C11orf58: variants seen among roughly 807,000 people sequenced by gnomAD.
C11orf58 encodes the protein small acidic protein.
In C11orf58, 5 loss-of-function variants were observed where a neutral mutation model predicts 22.7. The observed-to-expected ratio is 0.22, with a 90% CI of 0.12 to 0.46. The LOEUF is 0.46. Among genes scored for constraint, C11orf58 ranks in the 20% least tolerant of loss-of-function variants. The pLI is 0.99. For synonymous variants in C11orf58, 71 were observed against 70.7 expected, an observed-to-expected ratio of 1.00 and a Z score of -0.02; for missense variants, 151 against 223.3, an observed-to-expected ratio of 0.68 and a Z score of 2.06.
At position 16,748,134 on chromosome 11, in the gene C11orf58, A is replaced by G. The variant is rs1314039929; in HGVS notation, c.185A>G (p.Lys62Arg). The G allele has an allele frequency of 1.9e-6, 3 of 1,613,234 alleles. No homozygotes were observed. Among genetic ancestry groups the G allele is most frequent in the Non-Finnish European group, 2.5e-6 (3 of 1,179,276 alleles). Reference sequence around the variant, plus strand: ...GGTCGTCTTGTTATAGGAGATCACAAATCAACATCTCACTTCCGAACCGGT... The same window carrying G: ...GGTCGTCTTGTTATAGGAGATCACAGATCAACATCTCACTTCCGAACCGGT... ...HTGRLVIGDHKSTSHFRTGEE... is the reference protein window; with the variant it reads ...HTGRLVIGDHRSTSHFRTGEE... The change falls in exon 3 of 5, where the codon AAA becomes AGA. Residue 62 changes from lysine (K) to arginine (R), a missense_variant. Coordinates refer to ENST00000228136, the MANE Select transcript of C11orf58 (RefSeq NM_014267.6).
chr11:16,749,464 A>G (rs753142828), intron 3 of C11orf58: 8 of 152,212 alleles, frequency 5.3e-5, no homozygotes, highest in Non-Finnish European at 1.0e-4. Context: ...GAGAGCTTTA[A>G]AGCAGGAGCT....
Position 16,744,674 on chromosome 11 carries a change from G to T in C11orf58, c.137G>T (p.Gly46Val). ...ERKQKFLRLM[G>V]AGKKEHTGRL... ...AAACAAAAGTTCTTGAGACTTATGG[G>T]TGCAGGAAAGGTAAGCATCAGATGG... The change falls in exon 2 of 5, where the codon GGT becomes GTT. Residue 46 changes from glycine to valine, a missense_variant. By Grantham distance (109) the Gly-to-Val change is moderately radical. Coordinates refer to ENST00000228136, the MANE Select transcript of C11orf58 (RefSeq NM_014267.6). 1 of 1,613,716 alleles carries T rather than the reference G, an allele frequency of 6.2e-7. No homozygotes were observed. Among genetic ancestry groups the T allele is most frequent in the Non-Finnish European group, 8.5e-7 (1 of 1,179,758 alleles).
chr11:16,757,552 T>G lies in C11orf58; in HGVS notation c.*2448T>G, dbSNP rs145789728. Among the ~76,000 whole-genome samples, 1 of 152,296 alleles carries G rather than the reference T, an allele frequency of 6.6e-6. No homozygotes were observed. The highest frequency in any genetic ancestry group is 1.9e-4 in the East Asian group (1 of 5,192). The stretch of plus-strand genomic sequence containing the variant: ...ATCTTTTAAGCCTGAACATGTGGGT[T>G]TTTTAAATCAAATTGGAAAAAAATT... On this transcript the variant is annotated 3_prime_UTR_variant, in exon 5 of 5. Coordinates refer to ENST00000228136, the MANE Select transcript of C11orf58 (RefSeq NM_014267.6).
chr11:16,744,464 T>C, intron 1 of C11orf58, 137 bp from the exon 2 acceptor site: 1 of 657,370 alleles, frequency 1.5e-6, no homozygotes, highest in Non-Finnish European at 2.6e-6. Context: ...ATGCTTAACT[T>C]CCTAAGCAAG....
intron 2 of C11orf58, among the ~76,000 whole-genome samples, chr11:16,745,994 T>C (rs1848484894): frequency 1.3e-5 from 2 of 152,244 alleles, no homozygotes; most frequent in South Asian, 4.1e-4. Context: ...GGTGGTCATA[T>C]AGATCAATAA....
chr11:16,738,964 C>T, intron 1 of C11orf58, 123 bp downstream of exon 1: 1 of 1,046,594 alleles, frequency 9.6e-7, no homozygotes, highest in Non-Finnish European at 1.4e-6. Context: ...AGGGAAGAAA[C>T]CAGAAGAATG....
At chr11:16,754,825 T>C (rs771291797) in intron 4 of C11orf58, 46 bp from the exon 5 acceptor site, 1 of 1,595,604 alleles carries the variant, frequency 6.3e-7, no homozygotes, top group Admixed American at 1.8e-5. Flanking sequence ...AGATTTTGTA[T>C]GGGCTAATGT....
At chr11:16,743,397 T>C (rs1848463080) in intron 1 of C11orf58, among the ~76,000 whole-genome samples, 1 of 152,244 alleles carries the variant, frequency 6.6e-6, no homozygotes, top group Non-Finnish European at 1.5e-5. Context: ...GTACATTTCT[T>C]GTTTGTCTTT....
At chr11:16,742,211 A>G (rs963749524) in intron 1 of C11orf58, among the ~76,000 whole-genome samples, 6 of 152,246 alleles carry the variant, frequency 3.9e-5, no homozygotes, top group Non-Finnish European at 7.3e-5. Flanking sequence ...TAACTTCTAT[A>G]CATTTTTATA....
At chr11:16,744,829 C>A in intron 2 of C11orf58, 145 bp downstream of exon 2, 1 of 679,428 alleles carries the variant, frequency 1.5e-6, no homozygotes, top group Non-Finnish European at 2.4e-6. Context: ...TACATGTGGC[C>A]TAACCAAGCA....
At chr11:16,753,861 G>GTTC (rs751339620) in intron 4 of C11orf58, 17 of 484,584 alleles carry the variant, frequency 3.5e-5, no homozygotes, top group Non-Finnish European at 5.9e-5. Flanking sequence ...ACCATGCCTA[G>GTTC]CTAATTTTTG....
At chr11:16,744,050 T>TA (rs554214406) in intron 1 of C11orf58, among the ~76,000 whole-genome samples, 1,560 of 108,094 alleles carry the variant, frequency 0.014, 15 homozygotes, top group African/African-American at 0.027. Context: ...CTAGAACTGC[T>TA]AAAAAAAAAA....
chr11:16,748,273 T>C (rs1422297688), intron 3 of C11orf58, 116 bp downstream of exon 3: 2 of 863,788 alleles, frequency 2.3e-6, no homozygotes, highest in East Asian at 5.8e-5. Context: ...TAAAATATTA[T>C]AATTAGAGCT....
intron 2 of C11orf58, among the ~76,000 whole-genome samples, chr11:16,745,380 A>G (rs978782547): frequency 3.3e-5 from 5 of 152,316 alleles, no homozygotes; most frequent in Middle Eastern, 6.8e-3. Context: ...TTAACTACTA[A>G]TAGCCTACTG....
At chr11:16,749,058 TA>T (rs1376778433) in intron 3 of C11orf58, 1 of 152,210 alleles carries the variant, frequency 6.6e-6, no homozygotes, top group East Asian at 1.9e-4. Context: ...TTGAAGAATA[TA>T]AACTAGTTGC....
intron 3 of C11orf58, chr11:16,749,652 T>G (rs1185266667): frequency 6.6e-6 from 1 of 152,250 alleles, no homozygotes; most frequent in Non-Finnish European, 1.5e-5. Flanking sequence ...CATAGGAGCA[T>G]GAACCCTATT....
rs1379846634 is a variant in C11orf58 at position 16,756,561 on chromosome 11, G to A, written c.*1457G>A. ...TGGGATTACAGGCGTGAGCCACCAC[G>A]CCCAGCCTTGGAGTGTTGGAATTTT... On this transcript the variant is annotated 3_prime_UTR_variant, in exon 5 of 5. Coordinates refer to ENST00000228136, the MANE Select transcript of C11orf58 (RefSeq NM_014267.6). Among the ~76,000 whole-genome samples, 16 of 150,414 alleles carry A rather than the reference G, an allele frequency of 1.1e-4. No homozygotes were observed. The highest frequency in any genetic ancestry group is 1.5e-4 in the African/African-American group (6 of 41,104).
At chr11:16,745,209 GA>G (rs1461263583) in intron 2 of C11orf58, among the ~76,000 whole-genome samples, 1 of 152,156 alleles carries the variant, frequency 6.6e-6, no homozygotes. Context: ...CAGGGGGAAA[GA>G]AAACCTTAAT....
chr11:16,742,909 G>T (rs1483598641), intron 1 of C11orf58, among the ~76,000 whole-genome samples: 1 of 151,994 alleles, frequency 6.6e-6, no homozygotes, highest in Admixed American at 6.6e-5. Context: ...CTCAAGTTCT[G>T]CAGCCAGCCC....
Sources: allele counts gnomAD v4.1 joint callset (sites outside exome capture counted in the v4.1 genomes callset), GRCh38; gene constraint gnomAD v4.1.1; transcripts MANE v1.5; gene names NCBI Gene and HGNC (gene_info 2026-07-23, HGNC 2026-07-21).